Variants in RMDN2 observed in about 807,000 individuals in gnomAD.
The protein encoded by RMDN2 is regulator of microtubule dynamics protein 2.
RMDN2 carries 61 observed loss-of-function variants against 52.8 expected under a neutral mutation model. The ratio of observed to expected loss-of-function variants is 1.16; its 90% CI spans 0.94 to 1.43. RMDN2 has a LOEUF of 1.43. Among genes scored for constraint, RMDN2 ranks in the 40% most tolerant of loss-of-function variants. The pLI is 0.00. For synonymous variants in RMDN2, 180 were observed against 153.1 expected (o/e 1.18, Z -1.30); for missense variants, 592 against 475.3 (o/e 1.25, Z -2.28).
chr2:38,012,274 C>G (rs1558551222), intron 10 of RMDN2, among the ~76,000 whole-genome samples: 2 of 152,196 alleles, frequency 1.3e-5, no homozygotes, highest in Non-Finnish European at 2.9e-5. Context: ...CGCCTGCTGG[C>G]AAGAAAGCCC....
intron 10 of RMDN2, among the ~76,000 whole-genome samples, chr2:38,054,086 C>G (rs995061838): frequency 3.9e-5 from 6 of 152,208 alleles, no homozygotes; most frequent in Non-Finnish European, 8.8e-5. Context: ...AGATGCCCCA[C>G]ACTCTGAACA....
At chr2:38,014,347 CT>C (rs953005318) in intron 10 of RMDN2, among the ~76,000 whole-genome samples, 1 of 152,188 alleles carries the variant, frequency 6.6e-6, no homozygotes, top group African/African-American at 2.4e-5. Context: ...CTCTTACCTT[CT>C]TGTCATTTGC....
intron 2 of RMDN2, among the ~76,000 whole-genome samples, chr2:37,956,758 C>T (rs1027085438): frequency 2.6e-5 from 4 of 151,932 alleles, no homozygotes; most frequent in African/African-American, 9.7e-5. Context: ...CTGCACCCAT[C>T]AACCCGTCAT....
chr2:37,995,352 T>TACTACC (rs1381263665), intron 7 of RMDN2, among the ~76,000 whole-genome samples: 1 of 151,354 alleles, frequency 6.6e-6, no homozygotes, highest in Non-Finnish European at 1.5e-5. Context: ...CTACTACTAC[T>TACTACC]ACTACTACTA....
chr2:37,943,065 A>G (rs1454440532), intron 2 of RMDN2, among the ~76,000 whole-genome samples: 1 of 152,204 alleles, frequency 6.6e-6, no homozygotes, highest in East Asian at 1.9e-4. Flanking sequence ...CATGCCACCC[A>G]TGAAAGGAAC....
intron 2 of RMDN2, among the ~76,000 whole-genome samples, chr2:37,965,338 GT>G (rs398060100): frequency 0.02 from 2,228 of 111,726 alleles, 46 homozygotes; most frequent in African/African-American, 0.058. Flanking sequence ...TTTGTGTTTA[GT>G]TTTTTTTTTT....
At chr2:38,033,257 C>T (rs1424044060) in intron 10 of RMDN2, 1 of 152,166 alleles carries the variant, frequency 6.6e-6, no homozygotes. Context: ...TTTTTACTTT[C>T]TCTTTCTTGC....
At chr2:37,983,409 G>C (rs1673588034) in intron 5 of RMDN2, among the ~76,000 whole-genome samples, 2 of 152,010 alleles carry the variant, frequency 1.3e-5, no homozygotes, top group South Asian at 4.1e-4. Flanking sequence ...TTTTTGTTGA[G>C]AACTAAATGC....
intron 2 of RMDN2, among the ~76,000 whole-genome samples, chr2:37,969,336 A>G (rs1000403001): frequency 1.3e-5 from 2 of 151,868 alleles, no homozygotes; most frequent in African/African-American, 2.4e-5. Flanking sequence ...AAATTTTCGT[A>G]TCCATGAATA....
At chr2:37,971,749 T>C (rs1671838917) in intron 2 of RMDN2, among the ~76,000 whole-genome samples, 1 of 152,198 alleles carries the variant, frequency 6.6e-6, no homozygotes, top group Non-Finnish European at 1.5e-5. Context: ...TTAATTATTA[T>C]AGCTTCATAG....
intron 10 of RMDN2, among the ~76,000 whole-genome samples, chr2:38,061,016 G>A (rs1045858626): frequency 3.9e-5 from 6 of 151,938 alleles, no homozygotes; most frequent in Non-Finnish European, 1.5e-5. Flanking sequence ...GAATCAGTGT[G>A]GAGTCCTTTG....
At chr2:37,949,266 A>T (rs1446451150) in intron 2 of RMDN2, among the ~76,000 whole-genome samples, 1 of 152,176 alleles carries the variant, frequency 6.6e-6, no homozygotes, top group East Asian at 1.9e-4. Context: ...CTGGTGAGCA[A>T]CCTTGAAGAA....
upstream of RMDN2, among the ~76,000 whole-genome samples, chr2:37,923,795 A>C (rs1331894080): frequency 6.6e-6 from 1 of 152,138 alleles, no homozygotes; most frequent in Non-Finnish European, 1.5e-5. Context: ...TCTGTCCCAG[A>C]CTGGTGAGCA....
chr2:37,972,776 A>G (rs1235586497), intron 2 of RMDN2, among the ~76,000 whole-genome samples: 1 of 152,220 alleles, frequency 6.6e-6, no homozygotes, highest in African/African-American at 2.4e-5. Flanking sequence ...CGATAGAACC[A>G]GCAGGATTTG....
downstream of RMDN2, among the ~76,000 whole-genome samples, chr2:38,022,700 G>T (rs72904074): frequency 1.8e-3 from 273 of 152,256 alleles, 3 homozygotes; most frequent in African/African-American, 5.9e-3. Context: ...ATAACAAATG[G>T]CCTTCATTGT....
At chr2:37,993,338 C>G (rs915513533) in intron 7 of RMDN2, among the ~76,000 whole-genome samples, 7 of 152,088 alleles carry the variant, frequency 4.6e-5, no homozygotes, top group African/African-American at 1.4e-4. Context: ...ACTCTTTCCA[C>G]CAGGGGGAAT....
intron 10 of RMDN2, among the ~76,000 whole-genome samples, chr2:38,033,864 G>T (rs914003694): frequency 1.3e-5 from 2 of 152,132 alleles, no homozygotes; most frequent in Non-Finnish European, 2.9e-5. Flanking sequence ...CAGTTAGCCT[G>T]GGAATTATCT....
intron 10 of RMDN2, among the ~76,000 whole-genome samples, chr2:38,005,989 G>T (rs7562988): frequency 6.6e-6 from 1 of 151,944 alleles, no homozygotes; most frequent in Non-Finnish European, 1.5e-5. Context: ...TTTTTGTCAG[G>T]TTTGTCAAAG....
chr2:37,984,413 T>C lies in RMDN2; in HGVS notation c.791+3070T>C, dbSNP rs190483155. ...TCCACATGTCTTAGAACATGTGATT[T>C]ACAGAGCAGCTTGTTTTCACTTTAT... On this transcript the variant is annotated intron_variant, in intron 5 of 10. Coordinates refer to ENST00000354545, the MANE Select transcript of RMDN2 (RefSeq NM_001170791.3). Among the ~76,000 whole-genome samples the C allele has an allele frequency of 9.0e-4, 137 of 152,336 alleles. 2 individuals carry two copies. The East Asian group carries it at 0.022, about 25-fold the overall frequency.
Sources: allele counts gnomAD v4.1 joint callset (sites outside exome capture counted in the v4.1 genomes callset), GRCh38; gene constraint gnomAD v4.1.1; transcripts MANE v1.5; gene names NCBI Gene and HGNC (gene_info 2026-07-23, HGNC 2026-07-21).